The following COL24A1 variants were observed in gnomAD, a reference collection of about 807,000 sequenced individuals.
The protein encoded by COL24A1 is collagen alpha-1(XXIV) chain.
In COL24A1, 224 loss-of-function variants were observed where a neutral mutation model predicts 253.9. The ratio of observed to expected loss-of-function variants is 0.88; its 90% CI spans 0.79 to 0.99. The LOEUF (loss-of-function observed/expected upper bound fraction) is 0.99. Ranked by LOEUF, COL24A1 falls within the 50% of genes least tolerant of loss-of-function variation. COL24A1 has a pLI of 0.00. For missense variants in COL24A1, 2,131 were observed against 2,068.5 expected, an observed-to-expected ratio of 1.03 and a Z score of -0.59; for synonymous variants, 685 against 673.7, an observed-to-expected ratio of 1.02 and a Z score of -0.26.
chr1:85,863,983 A>G (rs1010429486), intron 37 of COL24A1, among the ~76,000 whole-genome samples: 1 of 152,166 alleles, frequency 6.6e-6, no homozygotes, highest in African/African-American at 2.4e-5. Context: ...AATTGTGGAA[A>G]TCAGTGTGGC....
At chr1:85,869,662 C>T (rs568741830) in intron 35 of COL24A1, among the ~76,000 whole-genome samples, 5 of 152,242 alleles carry the variant, frequency 3.3e-5, no homozygotes, top group Admixed American at 2.6e-4. Flanking sequence ...GATTTTGTCA[C>T]CACCAGGCCT....
chr1:85,872,496 A>T (rs1261598413), intron 35 of COL24A1, among the ~76,000 whole-genome samples: 1 of 152,120 alleles, frequency 6.6e-6, no homozygotes, highest in Admixed American at 6.6e-5. Flanking sequence ...AGAGATATAT[A>T]CCAATGGAAC....
intron 19 of COL24A1, among the ~76,000 whole-genome samples, chr1:86,015,978 A>G (rs1166664700): frequency 6.7e-6 from 1 of 149,068 alleles, no homozygotes; most frequent in Non-Finnish European, 1.5e-5. Context: ...ATCCTACCTC[A>G]GCCTCCCGAG....
At chr1:85,866,293 T>A (rs923098984) in intron 37 of COL24A1, among the ~76,000 whole-genome samples, 1 of 152,186 alleles carries the variant, frequency 6.6e-6, no homozygotes, top group African/African-American at 2.4e-5. Flanking sequence ...TCTTTAGTGA[T>A]TATTCTTTAG....
At chr1:85,940,175 C>T (rs1339274645) in intron 24 of COL24A1, among the ~76,000 whole-genome samples, 1 of 16,680 alleles carries the variant, frequency 6.0e-5, no homozygotes, top group Admixed American at 8.6e-4. Flanking sequence ...GAGGCCGAGG[C>T]GGGCGGATCA....
intron 14 of COL24A1, chr1:86,030,199 C>A (rs906324426): frequency 6.6e-6 from 1 of 152,168 alleles, no homozygotes; most frequent in African/African-American, 2.4e-5. Flanking sequence ...CTTACAGTAC[C>A]AGTGTCCCCT....
intron 24 of COL24A1, among the ~76,000 whole-genome samples, chr1:85,922,307 A>C (rs1027149417): frequency 3.3e-5 from 5 of 152,220 alleles, no homozygotes; most frequent in African/African-American, 9.6e-5. Context: ...AAATTCAGGA[A>C]ATACAGAGAA....
chr1:86,084,697 G>C (rs1027377016), intron 7 of COL24A1, among the ~76,000 whole-genome samples: 3 of 152,298 alleles, frequency 2.0e-5, no homozygotes, highest in Admixed American at 6.5e-5. Context: ...ATTAATGTTG[G>C]AATTTCAATC....
chr1:85,991,519 T>C (rs1246596119), intron 19 of COL24A1, among the ~76,000 whole-genome samples: 3 of 152,206 alleles, frequency 2.0e-5, no homozygotes, highest in Non-Finnish European at 4.4e-5. Context: ...TCTTGACCTG[T>C]GTGGTAGTTA....
At chr1:86,153,176 G>A (rs1653002483) in intron 1 of COL24A1, among the ~76,000 whole-genome samples, 1 of 151,910 alleles carries the variant, frequency 6.6e-6, no homozygotes. Flanking sequence ...ATTTCCTTTG[G>A]TTACCTTTTC....
intron 27 of COL24A1, 151 bp from the exon 28 acceptor site, chr1:85,907,398 C>A: frequency 1.6e-6 from 1 of 616,566 alleles, no homozygotes; most frequent in Admixed American, 2.8e-5. Flanking sequence ...TCACACTGCC[C>A]TCTACCAATA....
At chr1:86,024,826 A>C (rs1334749125) in intron 14 of COL24A1, among the ~76,000 whole-genome samples, 1 of 152,184 alleles carries the variant, frequency 6.6e-6, no homozygotes, top group Non-Finnish European at 1.5e-5. Flanking sequence ...GACTATCTTA[A>C]CAAACACACA....
intron 24 of COL24A1, among the ~76,000 whole-genome samples, chr1:85,915,928 T>C (rs1468124819): frequency 6.6e-6 from 1 of 152,090 alleles, no homozygotes; most frequent in African/African-American, 2.4e-5. Context: ...TGATAAATCC[T>C]TTTTCTAAGA....
At chr1:85,980,820 A>G (rs565863775) in intron 20 of COL24A1, among the ~76,000 whole-genome samples, 1 of 152,228 alleles carries the variant, frequency 6.6e-6, no homozygotes, top group South Asian at 2.1e-4. Flanking sequence ...AAGGCAGGAG[A>G]ATGGCATGAA....
intron 47 of COL24A1, among the ~76,000 whole-genome samples, chr1:85,803,613 C>A (rs909874858): frequency 6.6e-6 from 1 of 151,396 alleles, no homozygotes; most frequent in African/African-American, 2.4e-5. Flanking sequence ...AGAATTATCC[C>A]TAATATTTCA....
chr1:85,961,339 C>G, intron 23 of COL24A1, 46 bp from the exon 24 acceptor site: 1 of 1,398,966 alleles, frequency 7.1e-7, no homozygotes, highest in Non-Finnish European at 1.0e-6. Flanking sequence ...ATTTTTCAAA[C>G]TAGATTATTC....
chr1:85,971,017 C>A (rs1485044883), intron 21 of COL24A1, among the ~76,000 whole-genome samples: 1 of 152,092 alleles, frequency 6.6e-6, no homozygotes, highest in Non-Finnish European at 1.5e-5. Context: ...GTTCGGCCAG[C>A]CTGGGTAACA....
chr1:86,140,027 C>T (rs1650844708), intron 2 of COL24A1, among the ~76,000 whole-genome samples: 1 of 152,022 alleles, frequency 6.6e-6, no homozygotes, highest in African/African-American at 2.4e-5. Flanking sequence ...TTTATTTTTT[C>T]AATATTATGA....
rs1663883981 is a variant in COL24A1 at position 85,734,889 on chromosome 1, T to C, written c.4858A>G (p.Ile1620Val). Residue 1620 changes from isoleucine to valine, a missense_variant, in exon 59 of 60, where the codon ATT (isoleucine) becomes GTT (valine). Ile to Val is a conservative substitution (Grantham distance 29). Transcript: ENST00000370571. ...CACCTTGGGGTGTTTAGACAGTGAA[T>C]GGTGATGATATGGGTGGCTTCCGAA... ...LSSEATHIITIHCLNTPRWTS... is the reference protein window; with the variant it reads ...LSSEATHIITVHCLNTPRWTS... The C allele has an allele frequency of 1.2e-6, 2 of 1,614,200 alleles. No homozygotes were observed. Among genetic ancestry groups the C allele is most frequent in the East Asian group, 4.5e-5 (2 of 44,880 alleles).
Sources: allele counts gnomAD v4.1 joint callset (sites outside exome capture counted in the v4.1 genomes callset), GRCh38; gene constraint gnomAD v4.1.1; transcripts MANE v1.5; gene names NCBI Gene and HGNC (gene_info 2026-07-23, HGNC 2026-07-21).